The following ZMAT4 variants were observed in gnomAD, a reference collection of about 807,000 sequenced individuals.
The protein encoded by ZMAT4 is zinc finger matrin-type 4.
A neutral mutation model predicts 28.7 loss-of-function variants in ZMAT4; 17 were observed. The ratio of observed to expected loss-of-function variants is 0.59; its 90% CI spans 0.41 to 0.89. ZMAT4 has a LOEUF of 0.89. Ranked by LOEUF, ZMAT4 falls within the 40% of genes least tolerant of loss-of-function variation. The probability of loss-of-function intolerance (pLI) is 0.00; values close to 1 mark genes in which losing one functional copy is unlikely to be tolerated. For synonymous variants in ZMAT4, 117 were observed against 109.2 expected (o/e 1.07, Z -0.44); for missense variants, 240 against 283.8 (o/e 0.85, Z 1.11).
intron 3 of ZMAT4, among the ~76,000 whole-genome samples, chr8:40,718,554 G>A (rs1222683241): frequency 2.0e-5 from 3 of 152,094 alleles, no homozygotes; most frequent in African/African-American, 7.2e-5. Flanking sequence ...TAGAAAGAAA[G>A]TCTGGGCAAA....
At chr8:40,879,744 G>A (rs1228825991) in intron 1 of ZMAT4, among the ~76,000 whole-genome samples, 1 of 152,192 alleles carries the variant, frequency 6.6e-6, no homozygotes, top group Non-Finnish European at 1.5e-5. Flanking sequence ...TTACCATCCA[G>A]AGAGAATCTC....
intron 3 of ZMAT4, among the ~76,000 whole-genome samples, chr8:40,765,160 G>T (rs1165072507): frequency 6.6e-6 from 1 of 152,030 alleles, no homozygotes; most frequent in Admixed American, 6.6e-5. Flanking sequence ...CCCTGGCCCC[G>T]GACCCAGCAA....
intron 5 of ZMAT4, among the ~76,000 whole-genome samples, chr8:40,582,910 C>T (rs1804539526): frequency 6.6e-6 from 1 of 152,190 alleles, no homozygotes; most frequent in Non-Finnish European, 1.5e-5. Flanking sequence ...GTCCTAGACA[C>T]AGATGATAAC....
chr8:40,548,578 T>C (rs963786649), intron 6 of ZMAT4, among the ~76,000 whole-genome samples: 4 of 152,244 alleles, frequency 2.6e-5, no homozygotes, highest in African/African-American at 9.6e-5. Flanking sequence ...TGATGATTTC[T>C]GTGGGTGAGT....
chr8:40,872,963 C>A (rs996219052), intron 1 of ZMAT4, among the ~76,000 whole-genome samples: 1 of 152,116 alleles, frequency 6.6e-6, no homozygotes, highest in African/African-American at 2.4e-5. Flanking sequence ...ACCAGCACAG[C>A]AGAAACCATG....
chr8:40,868,497 C>A (rs1817746844), intron 1 of ZMAT4, among the ~76,000 whole-genome samples: 1 of 152,188 alleles, frequency 6.6e-6, no homozygotes, highest in African/African-American at 2.4e-5. Context: ...CAACATCTCA[C>A]TACCCTAGGA....
intron 3 of ZMAT4, among the ~76,000 whole-genome samples, chr8:40,764,544 T>C (rs1813067167): frequency 6.9e-6 from 1 of 144,584 alleles, no homozygotes; most frequent in East Asian, 3.1e-4. Flanking sequence ...ACACATTTTC[T>C]CTGTTTACAA....
intron 6 of ZMAT4, among the ~76,000 whole-genome samples, chr8:40,535,456 G>A (rs994635223): frequency 1.3e-5 from 2 of 152,072 alleles, no homozygotes; most frequent in African/African-American, 4.8e-5. Flanking sequence ...GGATCATGAG[G>A]TCAAGAGATC....
At chr8:40,821,180 CCTT>C (rs2150607090) in intron 2 of ZMAT4, among the ~76,000 whole-genome samples, 1 of 152,064 alleles carries the variant, frequency 6.6e-6, no homozygotes, top group South Asian at 2.1e-4. Flanking sequence ...GAAAACCACT[CCTT>C]CATTCATACA....
At chr8:40,637,691 A>G (rs1210474126) in intron 5 of ZMAT4, among the ~76,000 whole-genome samples, 1 of 152,238 alleles carries the variant, frequency 6.6e-6, no homozygotes, top group East Asian at 1.9e-4. Context: ...AAATGACTGC[A>G]TTTAAGAACA....
At chr8:40,656,949 G>A (rs958886710) in intron 5 of ZMAT4, among the ~76,000 whole-genome samples, 1 of 152,144 alleles carries the variant, frequency 6.6e-6, no homozygotes, top group Admixed American at 6.6e-5. Flanking sequence ...ACAATCTCAT[G>A]AATATACTAA....
At chr8:40,808,721 A>G (rs538594021) in intron 2 of ZMAT4, 85 of 264,078 alleles carry the variant, frequency 3.2e-4, no homozygotes, top group African/African-American at 1.9e-3. Context: ...GGAAGAAAAA[A>G]AAAAGAAATG....
intron 6 of ZMAT4, among the ~76,000 whole-genome samples, chr8:40,576,872 G>A (rs1804283901): frequency 6.6e-6 from 1 of 152,132 alleles, no homozygotes; most frequent in Admixed American, 6.5e-5. Context: ...TACTGGGTAT[G>A]TATCCAAAGG....
intron 5 of ZMAT4, among the ~76,000 whole-genome samples, chr8:40,612,527 T>A (rs1253526290): frequency 7.3e-6 from 1 of 137,692 alleles, no homozygotes; most frequent in East Asian, 1.9e-4. Flanking sequence ...CTTGCTCTTA[T>A]CTTGTCACTG....
At chr8:40,763,756 G>A (rs779995241) in intron 3 of ZMAT4, among the ~76,000 whole-genome samples, 1 of 152,108 alleles carries the variant, frequency 6.6e-6, no homozygotes, top group Non-Finnish European at 1.5e-5. Context: ...AGGATGTTTA[G>A]GGACTTGTAA....
chr8:40,593,886 A>C (rs1016060868), intron 5 of ZMAT4, among the ~76,000 whole-genome samples: 3 of 152,138 alleles, frequency 2.0e-5, no homozygotes, highest in Non-Finnish European at 2.9e-5. Context: ...TTGGAGACAC[A>C]TCGCTTACAG....
Position 40,637,093 on chromosome 8 carries a change from TA to T in ZMAT4, c.577+37610del, listed in dbSNP as rs1203686037. On this transcript the variant is annotated intron_variant, in intron 5 of 6. Coordinates refer to ENST00000297737, the MANE Select transcript of ZMAT4 (RefSeq NM_024645.3). ...ATATAAAAAATAATGAAATAGATTTTAAAAAAAAAAAAACTCTGTGATTCCC... is the reference window on the plus strand; with the variant it reads ...ATATAAAAAATAATGAAATAGATTTTAAAAAAAAAAAACTCTGTGATTCCC... 1.5e-3 allele frequency among the ~76,000 whole-genome samples: 229 copies of T among 149,410 alleles called. 3 individuals are homozygous for T. Among genetic ancestry groups the T allele is most frequent in the African/African-American group, 5.2e-3 (211 of 40,620 alleles).
At chr8:40,845,965 A>G (rs1383011790) in intron 1 of ZMAT4, among the ~76,000 whole-genome samples, 1 of 152,054 alleles carries the variant, frequency 6.6e-6, no homozygotes, top group Non-Finnish European at 1.5e-5. Context: ...ACTTCTCCTA[A>G]TCTGTGAATC....
At chr8:40,709,573 G>A (rs1339766037) in intron 3 of ZMAT4, among the ~76,000 whole-genome samples, 1 of 152,202 alleles carries the variant, frequency 6.6e-6, no homozygotes, top group African/African-American at 2.4e-5. Flanking sequence ...AAAATAATGT[G>A]TGACAAATTT....
Sources: gnomAD v4.1 joint callset for allele counts (sites outside exome capture counted in the v4.1 genomes callset) on GRCh38, gnomAD v4.1.1 for gene constraint, MANE v1.5 for transcripts, NCBI Gene and HGNC (gene_info 2026-07-23, HGNC 2026-07-21) for gene names.